AGMO: variants seen among roughly 807,000 people sequenced by gnomAD.
AGMO encodes the protein alkylglycerol monooxygenase.
AGMO carries 75 observed loss-of-function variants against 60.2 expected under a neutral mutation model. That is an observed-to-expected ratio of 1.25 (90% CI 1.03 to 1.51). The LOEUF is 1.51. Ranked by LOEUF, AGMO falls within the 40% of genes most tolerant of loss-of-function variation. The probability of loss-of-function intolerance (pLI) is 0.00; values close to 1 mark genes in which losing one functional copy is unlikely to be tolerated. For missense variants in AGMO, 763 were observed against 525.5 expected, an observed-to-expected ratio of 1.45 and a Z score of -4.42; for synonymous variants, 261 against 177.1, an observed-to-expected ratio of 1.47 and a Z score of -3.76.
At chr7:15,249,051 A>C (rs1782852177) in intron 12 of AGMO, among the ~76,000 whole-genome samples, 1 of 152,172 alleles carries the variant, frequency 6.6e-6, no homozygotes, top group African/African-American at 2.4e-5. Context: ...AACCTACAAT[A>C]CTATGTAGGG....
At chr7:15,180,609 C>T in the AGMO span, among the ~76,000 whole-genome samples, 3 of 151,940 alleles carry the variant, frequency 2.0e-5, no homozygotes, top group Admixed American at 2.0e-4. Context: ...TCTGAGCCTT[C>T]ACTATAATTT....
intron 3 of AGMO, among the ~76,000 whole-genome samples, chr7:15,444,272 G>T (rs956476818): frequency 1.3e-5 from 2 of 151,798 alleles, no homozygotes; most frequent in African/African-American, 4.8e-5. Context: ...AATCCTTTTT[G>T]TAATATTCCT....
intron 5 of AGMO, among the ~76,000 whole-genome samples, chr7:15,415,552 AT>A (rs1780741673): frequency 2.0e-5 from 3 of 152,178 alleles, no homozygotes; most frequent in Admixed American, 6.5e-5. Flanking sequence ...AGAAAAAAAA[AT>A]ATCATTGAAT....
intron 12 of AGMO, among the ~76,000 whole-genome samples, chr7:15,213,702 T>C (rs1423445494): frequency 1.3e-5 from 2 of 151,970 alleles, no homozygotes; most frequent in African/African-American, 2.4e-5. Context: ...TCGATGGAGA[T>C]AAGCTAGCTT....
intron 12 of AGMO, among the ~76,000 whole-genome samples, chr7:15,317,389 T>C (rs1317923517): frequency 1.3e-5 from 2 of 152,122 alleles, no homozygotes; most frequent in African/African-American, 2.4e-5. Context: ...ATATTTAGTG[T>C]TGGGACATAA....
intron 12 of AGMO, among the ~76,000 whole-genome samples, chr7:15,299,830 T>TACACACACACAC (rs756832586): frequency 6.8e-4 from 33 of 48,178 alleles, no homozygotes; most frequent in African/African-American, 3.1e-3. Flanking sequence ...TCTGTCTACA[T>TACACACACACAC]ACACACACAC....
At chr7:15,297,985 G>A (rs6958515) in intron 12 of AGMO, among the ~76,000 whole-genome samples, 6,246 of 152,108 alleles carry the variant, frequency 0.041, 387 homozygotes, top group African/African-American at 0.14. Flanking sequence ...GATCATTACC[G>A]TCTAAAGGCA....
chr7:15,118,052 A>T, the AGMO span, among the ~76,000 whole-genome samples: 5 of 151,964 alleles, frequency 3.3e-5, no homozygotes, highest in African/African-American at 4.8e-5. Context: ...TATTGCAAAC[A>T]TAATTTCCCT....
chr7:15,285,352 C>A (rs1481531795), intron 12 of AGMO, among the ~76,000 whole-genome samples: 1 of 151,866 alleles, frequency 6.6e-6, no homozygotes, highest in Non-Finnish European at 1.5e-5. Context: ...CATAAGACTA[C>A]TAGATTTGAT....
chr7:15,118,536 A>G, the AGMO span, among the ~76,000 whole-genome samples: 1 of 152,090 alleles, frequency 6.6e-6, no homozygotes, highest in Admixed American at 6.6e-5. Context: ...CAGCTTTCCT[A>G]TCTAACAAAA....
At chr7:15,352,818 T>C (rs993828465) in intron 12 of AGMO, among the ~76,000 whole-genome samples, 4 of 151,996 alleles carry the variant, frequency 2.6e-5, no homozygotes, top group African/African-American at 9.7e-5. Flanking sequence ...TTCACCTGTT[T>C]TCGCTATTAA....
the AGMO span, among the ~76,000 whole-genome samples, chr7:15,194,701 T>C: frequency 6.6e-6 from 1 of 152,194 alleles, no homozygotes; most frequent in Non-Finnish European, 1.5e-5. Context: ...GCTTACTAAA[T>C]ATGGAGTTAT....
chr7:15,544,241 G>A (rs1784709389), intron 3 of AGMO, among the ~76,000 whole-genome samples: 1 of 151,852 alleles, frequency 6.6e-6, no homozygotes, highest in African/African-American at 2.4e-5. Context: ...GGTGGCAAAG[G>A]ATAAAAGATT....
intron 12 of AGMO, among the ~76,000 whole-genome samples, chr7:15,254,107 T>G (rs186200902): frequency 4.1e-4 from 62 of 152,266 alleles, no homozygotes; most frequent in Admixed American, 1.0e-3. Context: ...CCATATTTTC[T>G]TTTTATTCTT....
rs1176580610 is a variant in AGMO at position 15,447,490 on chromosome 7, ACATT to A, written c.410-16386_410-16383del. Among the ~76,000 whole-genome samples the A allele has an allele frequency of 7.2e-5, 11 of 152,350 alleles. No individual in the cohort carries two copies. In the East Asian group the frequency reaches 1.2e-3, roughly 16 times the overall value. ...GATAAAGTGCTATTATAGAAGCAAG[ACATT>A]CAGAAGCTGTGTGACCATGGCAGAG... On this transcript the variant is annotated intron_variant, in intron 3 of 12. Transcript: ENST00000342526.
chr7:15,433,758 T>G (rs1377713744), intron 3 of AGMO, among the ~76,000 whole-genome samples: 1 of 123,390 alleles, frequency 8.1e-6, no homozygotes, highest in African/African-American at 3.0e-5. Context: ...ATACGAAAAT[T>G]ATAGATTATA....
chr7:15,394,234 G>T, intron 5 of AGMO, 55 bp from the exon 6 acceptor site: 1 of 1,229,156 alleles, frequency 8.1e-7, no homozygotes, highest in East Asian at 2.3e-5. Flanking sequence ...ATGTGTGTTA[G>T]TATATAAATG....
intron 3 of AGMO, among the ~76,000 whole-genome samples, chr7:15,462,068 A>AG (rs1782157519): frequency 6.6e-6 from 1 of 151,622 alleles, no homozygotes; most frequent in Admixed American, 6.6e-5. Context: ...AAAGGTAAAA[A>AG]AAAATTCTAA....
At chr7:15,343,731 C>T (rs1583431590) in intron 12 of AGMO, among the ~76,000 whole-genome samples, 1 of 152,110 alleles carries the variant, frequency 6.6e-6, no homozygotes. Flanking sequence ...ATATTAACCA[C>T]AAGCCTCTAA....
Sources: allele counts gnomAD v4.1 joint callset (sites outside exome capture counted in the v4.1 genomes callset), GRCh38; gene constraint gnomAD v4.1.1; transcripts MANE v1.5; gene names NCBI Gene and HGNC (gene_info 2026-07-23, HGNC 2026-07-21).